RARB: variants seen among roughly 807,000 people sequenced by gnomAD.
RARB encodes the protein retinoic acid receptor beta.
Under a neutral mutation model 51.9 loss-of-function variants are expected in RARB, and 17 were observed. That is an observed-to-expected ratio of 0.33 (90% CI 0.22 to 0.49). The LOEUF (loss-of-function observed/expected upper bound fraction) is 0.49, where lower values mean the gene tolerates loss of function less well. RARB is among the 20% of genes least tolerant of loss of function. The pLI, the probability that RARB is intolerant of heterozygous loss-of-function variation, is 0.99. For synonymous variants in RARB, 215 were observed against 195.4 expected, an observed-to-expected ratio of 1.10 and a Z score of -0.84; for missense variants, 369 against 550.8, an observed-to-expected ratio of 0.67 and a Z score of 3.30.
chr3:25,141,936 C>T (rs1402707873), intron 4 of RARB, among the ~76,000 whole-genome samples: 1 of 152,180 alleles, frequency 6.6e-6, no homozygotes, highest in Admixed American at 6.5e-5. Flanking sequence ...GAAATACTTA[C>T]TAATACTCAT....
intron 2 of RARB, among the ~76,000 whole-genome samples, chr3:25,491,807 G>A: frequency 6.6e-6 from 1 of 152,036 alleles, no homozygotes; most frequent in Non-Finnish European, 1.5e-5. Context: ...CAGGTGTGGT[G>A]GCAGGTGCCT....
intron 5 of RARB, among the ~76,000 whole-genome samples, chr3:25,352,614 G>A (rs1234522832): frequency 6.6e-6 from 1 of 152,042 alleles, no homozygotes; most frequent in Non-Finnish European, 1.5e-5. Context: ...CTTTCTGTTT[G>A]CAATTTGGTT....
At chr3:25,377,408 T>C (rs17016328) in intron 5 of RARB, among the ~76,000 whole-genome samples, 5,298 of 152,306 alleles carry the variant, frequency 0.035, 120 homozygotes, top group Middle Eastern at 0.065. Flanking sequence ...ACAGTCCTAA[T>C]GCAATGGCAG....
At chr3:24,991,760 T>A (rs548063350) in intron 2 of RARB, among the ~76,000 whole-genome samples, 1 of 149,784 alleles carries the variant, frequency 6.7e-6, no homozygotes, top group Non-Finnish European at 1.5e-5. Flanking sequence ...ATATGGAGGG[T>A]GTTTTTTTTT....
intron 5 of RARB, among the ~76,000 whole-genome samples, chr3:25,197,928 A>G (rs919344980): frequency 2.6e-5 from 4 of 152,092 alleles, no homozygotes; most frequent in African/African-American, 9.7e-5. Context: ...AATAGAAAAA[A>G]TAATCCTAAA....
chr3:25,056,354 C>G (rs1399655795), intron 2 of RARB, among the ~76,000 whole-genome samples: 2 of 152,130 alleles, frequency 1.3e-5, no homozygotes, highest in Admixed American at 1.3e-4. Context: ...CAATAAAATT[C>G]AATCTTGAAG....
At chr3:24,995,579 A>T (rs909567499) in intron 2 of RARB, among the ~76,000 whole-genome samples, 1 of 152,084 alleles carries the variant, frequency 6.6e-6, no homozygotes, top group Admixed American at 6.6e-5. Flanking sequence ...GCTTTTCCCC[A>T]TTCAGTAAGA....
At chr3:25,046,397 A>C (rs549972706) in intron 2 of RARB, among the ~76,000 whole-genome samples, 1 of 152,312 alleles carries the variant, frequency 6.6e-6, no homozygotes, top group Admixed American at 6.5e-5. Context: ...GATATTCTGG[A>C]AGGCAGCACT....
At position 24,934,396 on chromosome 3, in the gene RARB, G is replaced by A. The variant is rs541366869; in HGVS notation, c.-380+75644G>A. ...TAAGAATAGCTCTTTTTCATGTACT[G>A]TTCAGATGACTTCGAAGATTTAAAT... On this transcript the variant is annotated intron_variant, in intron 2 of 11. Transcript: ENST00000383772. Among the ~76,000 whole-genome samples, 9 of 152,174 alleles carry A rather than the reference G, an allele frequency of 5.9e-5. No individual in the cohort carries two copies. In the South Asian group the frequency reaches 8.3e-4, roughly 14 times the overall value.
chr3:25,165,966 A>G (rs905986592), intron 4 of RARB, among the ~76,000 whole-genome samples: 1 of 152,162 alleles, frequency 6.6e-6, no homozygotes, highest in East Asian at 1.9e-4. Context: ...AAAAAGAAAT[A>G]CAGGGACATT....
At chr3:24,900,863 T>G (rs1703589769) in intron 2 of RARB, among the ~76,000 whole-genome samples, 1 of 152,128 alleles carries the variant, frequency 6.6e-6, no homozygotes, top group Non-Finnish European at 1.5e-5. Flanking sequence ...GGAAGGAATA[T>G]GAGAGAATAA....
intron 3 of RARB, among the ~76,000 whole-genome samples, chr3:25,524,100 C>T (rs557890425): frequency 9.2e-5 from 14 of 152,248 alleles, no homozygotes; most frequent in African/African-American, 2.2e-4. Flanking sequence ...GTTTAAAAAG[C>T]GCAAGAAATT....
chr3:25,234,022 C>G (rs1488821410), intron 5 of RARB, among the ~76,000 whole-genome samples: 2 of 151,946 alleles, frequency 1.3e-5, no homozygotes, highest in African/African-American at 2.4e-5. Flanking sequence ...TGGTCTGCAG[C>G]TCTCTTGTAA....
At chr3:25,005,320 G>A (rs1002889796) in intron 2 of RARB, among the ~76,000 whole-genome samples, 1 of 152,040 alleles carries the variant, frequency 6.6e-6, no homozygotes, top group Non-Finnish European at 1.5e-5. Flanking sequence ...TTTTTTCTGT[G>A]GGTCAAGAAT....
chr3:24,986,292 G>A (rs934184512), intron 2 of RARB, among the ~76,000 whole-genome samples: 4 of 152,294 alleles, frequency 2.6e-5, no homozygotes, highest in East Asian at 1.9e-4. Flanking sequence ...TGCAAAATAT[G>A]TGTTATTATA....
chr3:25,339,487 C>T (rs538372178), intron 5 of RARB, among the ~76,000 whole-genome samples: 2 of 152,142 alleles, frequency 1.3e-5, no homozygotes, highest in South Asian at 2.1e-4. Flanking sequence ...CGTGGCTGCG[C>T]GGGAGTCTCT....
intron 3 of RARB, among the ~76,000 whole-genome samples, chr3:25,516,612 T>C (rs1303641066): frequency 6.6e-6 from 1 of 151,346 alleles, no homozygotes; most frequent in East Asian, 1.9e-4. Context: ...TTATCAAAGG[T>C]TCATCTTTAT....
intron 2 of RARB, among the ~76,000 whole-genome samples, chr3:24,902,291 C>T (rs1435987502): frequency 6.6e-6 from 1 of 152,102 alleles, no homozygotes; most frequent in Admixed American, 6.5e-5. Flanking sequence ...GGCATGCCTC[C>T]CTACTAACTT....
chr3:25,272,378 T>C (rs188239573), intron 5 of RARB, among the ~76,000 whole-genome samples: 1 of 152,214 alleles, frequency 6.6e-6, no homozygotes, highest in Admixed American at 6.5e-5. Flanking sequence ...CCAAACAAAG[T>C]CTTGTGGTCT....
Sources: gnomAD v4.1 joint callset for allele counts (sites outside exome capture counted in the v4.1 genomes callset) on GRCh38, gnomAD v4.1.1 for gene constraint, MANE v1.5 for transcripts, NCBI Gene and HGNC (gene_info 2026-07-23, HGNC 2026-07-21) for gene names.